Variants in FLG observed in about 807,000 individuals in gnomAD.
The protein encoded by FLG is epidermal filaggrin.
In FLG, 6 loss-of-function variants were observed where a neutral mutation model predicts 3.8. The observed-to-expected ratio is 1.60, with a 90% confidence interval of 0.87 to 3.15. FLG has a LOEUF of 3.15. Among genes scored for constraint, FLG ranks in the 30% most tolerant of loss-of-function variants. The pLI, the probability that FLG is intolerant of heterozygous loss-of-function variation, is 0.00. For missense variants in FLG, 7,595 were observed against 5,050.9 expected (o/e 1.50, Z -15.27); for synonymous variants, 2,551 against 1,931.6 (o/e 1.32, Z -8.41).
Position 152,310,145 on chromosome 1 carries a change from A to G in FLG, c.4741T>C (p.Ser1581Pro). The change falls in exon 3 of 3, where the codon TCA becomes CCA. Residue 1581 changes from serine (S) to proline (P), a missense_variant. Ser to Pro is a moderately conservative substitution (Grantham distance 74). Coordinates refer to ENST00000368799, the MANE Select transcript of FLG (RefSeq NM_002016.2). ...SRHSQVGQGE[S>P]AGSKTSRRQG... Reference sequence around the variant, plus strand: ...CGCCTGCTTGTCTTGGACCCCGCTGATTCTCCCTGGCCCACCTGTGAGTGT... The same window carrying G: ...CGCCTGCTTGTCTTGGACCCCGCTGGTTCTCCCTGGCCCACCTGTGAGTGT... The G allele has an allele frequency of 1.2e-6, 2 of 1,613,560 alleles. No homozygotes were observed. Among genetic ancestry groups the G allele is most frequent in the South Asian group, 1.1e-5 (1 of 91,034 alleles).
chr1:152,304,736 C>G lies in FLG; in HGVS notation c.10150G>C (p.Gly3384Arg). ...DRSGGRSGRS[G>R]SFLYQVSTHE... Reference sequence around the variant, plus strand: ...GTGCTCACCTGGTAGAGGAAAGACCCTGAACGTCCAGACCTTCCCCCTGAC... The same window carrying G: ...GTGCTCACCTGGTAGAGGAAAGACCGTGAACGTCCAGACCTTCCCCCTGAC... The change falls in exon 3 of 3, where the codon GGG (glycine) becomes CGG (arginine). Residue 3384 changes from glycine (G) to arginine (R), a missense_variant. Gly to Arg is a moderately radical substitution (Grantham distance 125). Transcript: ENST00000368799. 6.2e-7 allele frequency: 1 copy of G among 1,613,468 alleles called. No homozygotes were observed. Among genetic ancestry groups the G allele is most frequent in the South Asian group, 1.1e-5 (1 of 90,916 alleles).
chr1:152,320,103 G>T (rs1652906054), intron 1 of FLG, among the ~76,000 whole-genome samples: 1 of 150,920 alleles, frequency 6.6e-6, no homozygotes, highest in Non-Finnish European at 1.5e-5. Flanking sequence ...AATTTTTAGG[G>T]CAAGGATGCA....
At position 152,312,926 on chromosome 1, in the gene FLG, T is replaced by C. The variant is rs758025810; in HGVS notation, c.1960A>G (p.Arg654Gly). Residue 654 changes from arginine (R) to glycine (G), a missense_variant, in exon 3 of 3, where the codon AGA becomes GGA. By Grantham distance (125) the Arg-to-Gly change is moderately radical. Coordinates refer to ENST00000368799, the MANE Select transcript of FLG (RefSeq NM_002016.2). ...GACCTGGGGTGTCTGGAGCCATCTCTTGACTGCTCCTGAGCAGATCCATGA... is the reference window on the plus strand; with the variant it reads ...GACCTGGGGTGTCTGGAGCCATCTCCTGACTGCTCCTGAGCAGATCCATGA... ...NHHGSAQEQS[R>G]DGSRHPRSHH... is the part of the protein sequence containing the mutation. 1.3e-5 allele frequency: 21 copies of C among 1,614,058 alleles called. No individual in the cohort carries two copies. Among genetic ancestry groups the C allele is most frequent in the Non-Finnish European group, 1.8e-5 (21 of 1,180,020 alleles).
chr1:152,304,302 C>A lies in FLG; in HGVS notation c.10584G>T (p.Gly3528=), dbSNP rs1410248945. 2.5e-6 allele frequency: 4 copies of A among 1,612,358 alleles called. No individual in the cohort carries two copies. Among genetic ancestry groups the A allele is most frequent in the East Asian group, 4.5e-5 (2 of 44,720 alleles). Residue 3528 remains glycine, a synonymous_variant, in exon 3 of 3, where the codon GGG becomes GGT. Transcript: ENST00000368799. ...HSQSGQGQSA[G]PRTSRNQGSS... Reference sequence around the variant, plus strand: ...ATCCCTGGTTCCTGCTTGTCCTGGGCCCCGCTGATTGTCCCTGGCCGGACT... The same window carrying A: ...ATCCCTGGTTCCTGCTTGTCCTGGGACCCGCTGATTGTCCCTGGCCGGACT...
In FLG at chr1:152,314,542, T is replaced by C. The variant is rs370754859; in HGVS notation, c.344A>G (p.Gln115Arg). Residue 115 changes from glutamine (Q) to arginine (R), a missense_variant, in exon 3 of 3, where the codon CAG becomes CGG. Coordinates refer to ENST00000368799, the MANE Select transcript of FLG (RefSeq NM_002016.2). ...SHHDKHEDNKQEENKENRKRP... is the reference protein window; with the variant it reads ...SHHDKHEDNKREENKENRKRP... ...TTTTCTGTTTTCTTTGTTTTCTTCC[T>C]GTTTATTATCTTCATGTTTATCATG... 9.9e-6 allele frequency: 16 copies of C among 1,613,812 alleles called. No homozygotes were observed. The African/African-American group carries it at 2.1e-4, about 22-fold the overall frequency.
rs762991988 is a variant in FLG at position 152,303,716 on chromosome 1, G to A, written c.11170C>T (p.His3724Tyr). 3.7e-6 allele frequency: 6 copies of A among 1,613,884 alleles called. No individual in the cohort carries two copies. In the Admixed American group the frequency reaches 1.0e-4, roughly 27 times the overall value. ...VSTHEQSESA[H>Y]GRAGPSTGGR... Reference sequence around the variant, plus strand: ...CCAGTACTGGGCCCAGCCCGTCCATGGGCAGACTCAGACTGTTCATGAGTG... The same window carrying A: ...CCAGTACTGGGCCCAGCCCGTCCATAGGCAGACTCAGACTGTTCATGAGTG... Residue 3724 changes from histidine (H) to tyrosine (Y), a missense_variant, in exon 3 of 3, where the codon CAT becomes TAT. Physicochemically the swap from His to Tyr is moderately conservative, Grantham distance 83. Transcript: ENST00000368799.
In FLG at chr1:152,303,660, T is replaced by C. The variant is rs748088767; in HGVS notation, c.11226A>G (p.Ala3742=). Residue 3742 remains alanine (A), a synonymous_variant, in exon 3 of 3, where the codon GCA becomes GCG. Transcript: ENST00000368799. ...ACGCTGAGTGCCTGGAGCTGTCTCG[T>C]GCCTGCTCGTGGCGGGATCCTTGTC... ...GGRQGSRHEQ[A]RDSSRHSASQ... is the part of the protein sequence containing the mutation. 1 of 1,614,000 alleles carries C rather than the reference T, an allele frequency of 6.2e-7. No homozygotes were observed. Among genetic ancestry groups the C allele is most frequent in the Non-Finnish European group, 8.5e-7 (1 of 1,179,970 alleles).
chr1:152,311,459 C>A lies in FLG; in HGVS notation c.3427G>T (p.Gly1143Ter), dbSNP rs1258394093. ...RTRTSTGRRQ[G>*]SHHEQARDSS... ...TCTCGTGCCTGCTCGTGGTGGGATC[C>A]TTGTCTTCGTCCAGTGCTGGTCCTG... The change falls in exon 3 of 3, where the codon GGA (glycine) becomes TGA (stop). Residue 1143 changes from glycine to a stop codon, truncating the protein, a stop_gained. Coordinates refer to ENST00000368799, the MANE Select transcript of FLG (RefSeq NM_002016.2). LOFTEE classifies it low-confidence loss of function (END_TRUNC). 9.3e-6 allele frequency: 15 copies of A among 1,613,820 alleles called. No homozygotes were observed. Among genetic ancestry groups the A allele is most frequent in the Non-Finnish European group, 1.3e-5 (15 of 1,179,956 alleles).
In FLG at chr1:152,310,844, G is replaced by A. The variant is rs140385759; in HGVS notation, c.4042C>T (p.Gln1348Ter). ...CTTTCTCCTGGACTTGATCTTGCCT[G>A]TTCATGGGATGACACAGCCTGTCCA... ...SHGQAVSSHE[Q>*]ARSSPGERHG... Residue 1348 changes from glutamine to a stop codon, truncating the protein, a stop_gained, in exon 3 of 3, where the codon CAG (glutamine) becomes TAG (stop). Coordinates refer to ENST00000368799, the MANE Select transcript of FLG (RefSeq NM_002016.2). LOFTEE classifies it low-confidence loss of function (END_TRUNC). 16 of 1,611,840 alleles carry A rather than the reference G, an allele frequency of 9.9e-6. No individual in the cohort carries two copies. The highest frequency in any genetic ancestry group is 1.3e-5 in the African/African-American group (1 of 75,002).
rs1652024264 is a variant in FLG at position 152,307,137 on chromosome 1, C to G, written c.7749G>C (p.Trp2583Cys). 1 of 1,612,426 alleles carries G rather than the reference C, an allele frequency of 6.2e-7. No individual in the cohort carries two copies. The highest frequency in any genetic ancestry group is 1.7e-5 in the Admixed American group (1 of 59,880). ...GATGGTTTCTGGAAGCAGACCCAGA[C>G]CACCTCTCAGAGTCTTCTGAGTGTC... is the stretch of plus-strand genomic sequence containing the variant. ...SQGHSEDSER[W>C]SGSASRNHHG... The change falls in exon 3 of 3, where the codon TGG becomes TGC. Residue 2583 changes from tryptophan to cysteine, a missense_variant. Trp to Cys is a radical substitution (Grantham distance 215). Transcript: ENST00000368799.
Position 152,312,906 on chromosome 1 carries a change from G to T in FLG, c.1980C>A (p.Pro660=). The T allele has an allele frequency of 1.2e-6, 2 of 1,613,992 alleles. No homozygotes were observed. The highest frequency in any genetic ancestry group is 1.7e-6 in the Non-Finnish European group (2 of 1,180,014). The change falls in exon 3 of 3, where the codon CCC becomes CCA. Residue 660 remains proline (P), a synonymous_variant. Transcript: ENST00000368799. ...QEQSRDGSRH[P]RSHHEDRAGH... is the part of the protein sequence containing the mutation. ...CAGCTCTGTCTTCGTGATGGGACCT[G>T]GGGTGTCTGGAGCCATCTCTTGACT... is the stretch of plus-strand genomic sequence containing the variant.
Position 152,310,749 on chromosome 1 carries a change from T to G in FLG, c.4137A>C (p.Ser1379=). 1 of 1,614,056 alleles carries G rather than the reference T, an allele frequency of 6.2e-7. No individual in the cohort carries two copies. The highest frequency in any genetic ancestry group is 8.5e-7 in the Non-Finnish European group (1 of 1,180,010). ...RHSGIGHRQA[S]SAVRDSGHRG... is the part of the protein sequence containing the mutation. ...GGTGTCCACTGTCTCTGACTGCAGA[T>G]GAAGCTTGTCTGTGCCCAATGCCTG... Residue 1379 remains serine (S), a synonymous_variant, in exon 3 of 3, where the codon TCA becomes TCC. Coordinates refer to ENST00000368799, the MANE Select transcript of FLG (RefSeq NM_002016.2).
chr1:152,308,690 C>T lies in FLG; in HGVS notation c.6196G>A (p.Gly2066Arg), dbSNP rs1369175710. The T allele has an allele frequency of 2.5e-6, 4 of 1,614,030 alleles. No individual in the cohort carries two copies. The highest frequency in any genetic ancestry group is 3.4e-6 in the Non-Finnish European group (4 of 1,180,024). ...TQSVSAQGKA[G>R]PHQQSHKESA... The stretch of plus-strand genomic sequence containing the variant: ...TCTTTGTGGCTCTGCTGATGGGGCC[C>T]AGCTTTTCCCTGTGCTGACACTGAC... Residue 2066 changes from glycine to arginine, a missense_variant, in exon 3 of 3, where the codon GGG (glycine) becomes AGG (arginine). By Grantham distance (125) the Gly-to-Arg change is moderately radical. Coordinates refer to ENST00000368799, the MANE Select transcript of FLG (RefSeq NM_002016.2).
intron 1 of FLG, among the ~76,000 whole-genome samples, chr1:152,324,969 T>G (rs981372691): frequency 6.6e-6 from 1 of 151,902 alleles, no homozygotes; most frequent in Non-Finnish European, 1.5e-5. Flanking sequence ...AATGAATAAA[T>G]GGACAATCTA....
chr1:152,313,101 A>C lies in FLG; in HGVS notation c.1785T>G (p.Ala595=), dbSNP rs1388357625. Residue 595 remains alanine, a synonymous_variant, in exon 3 of 3, where the codon GCT becomes GCG. Coordinates refer to ENST00000368799, the MANE Select transcript of FLG (RefSeq NM_002016.2). ...GSRHHEASSQ[A]DSSRHSQVGQ... is the part of the protein sequence containing the mutation. ...CCACCTGTGAGTGTCTAGAGCTGTC[A>C]GCCTGAGAGGAAGCTTCATGATGAC... 6.2e-7 allele frequency: 1 copy of C among 1,613,790 alleles called. No homozygotes were observed. The highest frequency in any genetic ancestry group is 8.5e-7 in the Non-Finnish European group (1 of 1,179,982).
chr1:152,312,314 C>G lies in FLG; in HGVS notation c.2572G>C (p.Glu858Gln). 6.2e-7 allele frequency: 1 copy of G among 1,613,468 alleles called. No homozygotes were observed. The highest frequency in any genetic ancestry group is 8.5e-7 in the Non-Finnish European group (1 of 1,179,860). The change falls in exon 3 of 3, where the codon GAG becomes CAG. Residue 858 changes from glutamate (E) to glutamine (Q), a missense_variant. Physicochemically the swap from Glu to Gln is conservative, Grantham distance 29. Transcript: ENST00000368799. Reference sequence around the variant, plus strand: ...TGTCCAGACCTATCTACCGATTGCTCGTGGTGGGACCCCTGCCTTCCTCTT... The same window carrying G: ...TGTCCAGACCTATCTACCGATTGCTGGTGGTGGGACCCCTGCCTTCCTCTT... ...SRRGRQGSHH[E>Q]QSVDRSGHSG...
At position 152,312,715 on chromosome 1, in the gene FLG, C is replaced by T. The variant is rs778813302; in HGVS notation, c.2171G>A (p.Gly724Asp). 9.9e-6 allele frequency: 16 copies of T among 1,613,878 alleles called. No homozygotes were observed. Among genetic ancestry groups the T allele is most frequent in the Non-Finnish European group, 1.3e-5 (15 of 1,180,014 alleles). ...AGATGAAGCTTGTCCGTGCCCAGTG[C>T]CTGAGTGTCTGGAGCTGTCTGCTGA... ...LQSADSSRHS[G>D]TGHGQASSAV... Residue 724 changes from glycine to aspartate, a missense_variant, in exon 3 of 3, where the codon GGC (glycine) becomes GAC (aspartate). Transcript: ENST00000368799.
intron 1 of FLG, among the ~76,000 whole-genome samples, chr1:152,319,266 A>G (rs1652879638): frequency 6.7e-6 from 1 of 150,170 alleles, no homozygotes; most frequent in South Asian, 2.1e-4. Context: ...GCTTTGTGCA[A>G]TTGTTTATTA....
At position 152,307,103 on chromosome 1, in the gene FLG, C is replaced by G. The variant is rs572388274; in HGVS notation, c.7783G>C (p.Ala2595Pro). 1.9e-6 allele frequency: 3 copies of G among 1,611,336 alleles called. No homozygotes were observed. The highest frequency in any genetic ancestry group is 2.2e-5 in the South Asian group (2 of 90,978). ...GAGCCATCTCTTAGCTGCTCCTGAG[C>G]AGATCCATGATGGTTTCTGGAAGCA... ...GSASRNHHGS[A>P]QEQLRDGSRH... Residue 2595 changes from alanine (A) to proline (P), a missense_variant, in exon 3 of 3, where the codon GCT becomes CCT. Transcript: ENST00000368799.
Sources: gnomAD v4.1 joint callset for allele counts (sites outside exome capture counted in the v4.1 genomes callset) on GRCh38, gnomAD v4.1.1 for gene constraint, MANE v1.5 for transcripts, NCBI Gene and HGNC (gene_info 2026-07-23, HGNC 2026-07-21) for gene names.